PPP2R2D: variants seen among roughly 807,000 people sequenced by gnomAD.
PPP2R2D encodes protein phosphatase 2 regulatory subunit Bdelta, also known as serine/threonine-protein phosphatase 2A 55 kDa regulatory subunit B delta isoform.
PPP2R2D carries 9 observed loss-of-function variants against 31.1 expected under a neutral mutation model. The ratio of observed to expected loss-of-function variants is 0.29; its 90% confidence interval spans 0.17 to 0.51. The LOEUF (loss-of-function observed/expected upper bound fraction) is 0.51. PPP2R2D is among the 20% of genes least tolerant of loss of function. The pLI is 0.98. For synonymous variants in PPP2R2D, 179 were observed against 172.6 expected, an observed-to-expected ratio of 1.04 and a Z score of -0.29; for missense variants, 391 against 465.6, an observed-to-expected ratio of 0.84 and a Z score of 1.48.
At chr10:131,934,765 A>G in intron 3 of PPP2R2D, 1 of 585,974 alleles carries the variant, frequency 1.7e-6, no homozygotes, top group South Asian at 1.6e-5. Context: ...CTTTGTCTTC[A>G]GAGTAGGGAG....
intron 2 of PPP2R2D, among the ~76,000 whole-genome samples, chr10:131,904,534 T>G (rs1017182428): frequency 6.6e-6 from 1 of 151,940 alleles, no homozygotes; most frequent in Non-Finnish European, 1.5e-5. Flanking sequence ...AGATGGGCAG[T>G]TCACAGGGGT....
At chr10:131,971,274 C>A in the PPP2R2D span, 1 of 409,490 alleles carries the variant, frequency 2.4e-6, no homozygotes, top group South Asian at 2.3e-5. Flanking sequence ...GCGGCAAACA[C>A]TGTCCTAGGG....
chr10:131,915,636 A>G (rs1221332011), intron 2 of PPP2R2D, among the ~76,000 whole-genome samples: 2 of 152,176 alleles, frequency 1.3e-5, no homozygotes, highest in Non-Finnish European at 2.9e-5. Context: ...AAATAGATCC[A>G]TGGGTTGCCT....
At chr10:131,907,658 G>A (rs2035617203) in intron 2 of PPP2R2D, among the ~76,000 whole-genome samples, 1 of 151,814 alleles carries the variant, frequency 6.6e-6, no homozygotes, top group Admixed American at 6.6e-5. Context: ...CAGGAGAATG[G>A]CATGAACCCA....
chr10:131,965,382 C>G, the PPP2R2D span, among the ~76,000 whole-genome samples: 5 of 152,236 alleles, frequency 3.3e-5, no homozygotes, highest in African/African-American at 9.6e-5. Flanking sequence ...CCTCCTTATC[C>G]TGTTGGCCAG....
chr10:131,965,466 T>C, the PPP2R2D span, among the ~76,000 whole-genome samples: 1 of 152,194 alleles, frequency 6.6e-6, no homozygotes, highest in Non-Finnish European at 1.5e-5. Flanking sequence ...TTTTATTTTT[T>C]TGAGACAGAG....
At chr10:131,963,434 G>C (rs1409562698), downstream of PPP2R2D, among the ~76,000 whole-genome samples, 1 of 152,358 alleles carries the variant, frequency 6.6e-6, no homozygotes, top group South Asian at 2.1e-4. Flanking sequence ...TTTCTTGGGG[G>C]GTTACTTCCA....
At chr10:131,914,478 T>TA (rs1554892813) in intron 2 of PPP2R2D, among the ~76,000 whole-genome samples, 3 of 152,226 alleles carry the variant, frequency 2.0e-5, no homozygotes, top group Non-Finnish European at 2.9e-5. Context: ...CTCTCAAACT[T>TA]AACACAAGGG....
rs368796745 is a variant in PPP2R2D at position 131,934,606 on chromosome 10, T to A, written c.198+51T>A. 2.5e-4 allele frequency: 192 copies of A among 760,330 alleles called. No homozygotes were observed. The African/African-American group carries it at 3.0e-3, about 12-fold the overall frequency. The allele number at this position is 760,330 out of a possible 1,614,324, so 47.1% of individuals were successfully genotyped here. On this transcript the variant is annotated intron_variant, in intron 3 of 8. Transcript: ENST00000455566. ...AAATGCAATTATTCAACCTTTCGCA[T>A]ATAACTTAGAAGGGAGGAAGCAAAA...
Position 131,955,979 on chromosome 10 carries a change from G to C in PPP2R2D, c.*16G>C. The C allele has an allele frequency of 2.7e-6, 4 of 1,470,200 alleles. No homozygotes were observed. Among genetic ancestry groups the C allele is most frequent in the South Asian group, 1.5e-5 (1 of 65,590 alleles). The allele number at this position is 1,470,200 out of a possible 1,614,324, so 91.1% of individuals were successfully genotyped here. A position where few individuals can be genotyped will look rare whatever the true frequency, so the allele number is the denominator to read the frequency against. ...AATCAACTAGAGACGCGAACGTGAG[G>C]ACCAAGTCTTGTCTTGCATAGTTAA... On this transcript the variant is annotated 3_prime_UTR_variant, in exon 9 of 9. Coordinates refer to ENST00000455566, the MANE Select transcript of PPP2R2D (RefSeq NM_018461.5).
chr10:131,902,356 C>CG (rs1401081909), intron 2 of PPP2R2D, among the ~76,000 whole-genome samples: 3 of 152,122 alleles, frequency 2.0e-5, no homozygotes, highest in Non-Finnish European at 4.4e-5. Context: ...CCCTCCATCT[C>CG]GGCCCCCCCA....
At chr10:131,908,894 C>A (rs1329243316) in intron 2 of PPP2R2D, among the ~76,000 whole-genome samples, 1 of 152,220 alleles carries the variant, frequency 6.6e-6, no homozygotes, top group African/African-American at 2.4e-5. Flanking sequence ...CTGAAAAGTT[C>A]ACGACAGCAT....
At chr10:131,923,293 T>C (rs920072564) in intron 2 of PPP2R2D, among the ~76,000 whole-genome samples, 1 of 152,236 alleles carries the variant, frequency 6.6e-6, no homozygotes, top group Non-Finnish European at 1.5e-5. Context: ...TCAAGGCATA[T>C]CCTGCAGCAT....
intron 2 of PPP2R2D, among the ~76,000 whole-genome samples, chr10:131,907,479 G>A (rs959502557): frequency 1.6e-4 from 25 of 152,220 alleles, no homozygotes; most frequent in Non-Finnish European, 2.9e-4. Flanking sequence ...AGTGGTTCAC[G>A]CCTGTAATCC....
rs540864073 is a variant in PPP2R2D at position 131,923,034 on chromosome 10, C to T, written c.101-11424C>T. Among the ~76,000 whole-genome samples the T allele has an allele frequency of 2.1e-4, 32 of 152,264 alleles. 1 individual carries two copies. In the South Asian group the frequency reaches 6.4e-3, roughly 31 times the overall value. On this transcript the variant is annotated intron_variant, in intron 2 of 8. Transcript: ENST00000455566. Reference sequence around the variant, plus strand: ...GAGCTGTAATTCATTGAGCACAGAGCTCATCCTTTGTGAAGTGTGCGGGTG... The same window carrying T: ...GAGCTGTAATTCATTGAGCACAGAGTTCATCCTTTGTGAAGTGTGCGGGTG...
At chr10:131,913,587 A>G (rs1372596289) in intron 2 of PPP2R2D, among the ~76,000 whole-genome samples, 1 of 152,178 alleles carries the variant, frequency 6.6e-6, no homozygotes, top group Non-Finnish European at 1.5e-5. Flanking sequence ...CGATTGGTGA[A>G]TTGAACTGAA....
intron 8 of PPP2R2D, among the ~76,000 whole-genome samples, chr10:131,951,949 C>T (rs922361726): frequency 1.3e-5 from 2 of 152,240 alleles, no homozygotes; most frequent in Admixed American, 6.5e-5. Context: ...AGTGGCAACA[C>T]AGTGCAGGGG....
Position 131,955,951 on chromosome 10 carries a change from C to G in PPP2R2D, c.1350C>G (p.Asp450Glu), listed in dbSNP as rs781967676. ...AATNNLYIFQ[D>E]KIN The stretch of plus-strand genomic sequence containing the variant: ...CCAATAACTTGTACATATTCCAGGA[C>G]AAAATCAACTAGAGACGCGAACGTG... Residue 450 changes from aspartate (D) to glutamate (E), a missense_variant, in exon 9 of 9, where the codon GAC (aspartate) becomes GAG (glutamate). By Grantham distance (45) the Asp-to-Glu change is conservative. Coordinates refer to ENST00000455566, the MANE Select transcript of PPP2R2D (RefSeq NM_018461.5). 2 of 1,536,166 alleles carry G rather than the reference C, an allele frequency of 1.3e-6. No homozygotes were observed. The highest frequency in any genetic ancestry group is 3.7e-5 in the Admixed American group (2 of 53,990).
intron 2 of PPP2R2D, among the ~76,000 whole-genome samples, chr10:131,913,301 G>A (rs1434904595): frequency 1.3e-5 from 2 of 151,918 alleles, no homozygotes; most frequent in South Asian, 2.1e-4. Flanking sequence ...AAAGTGCTGG[G>A]ATTACAGTTG....
Sources: gnomAD v4.1 joint callset for allele counts (sites outside exome capture counted in the v4.1 genomes callset) on GRCh38, gnomAD v4.1.1 for gene constraint, MANE v1.5 for transcripts, NCBI Gene and HGNC (gene_info 2026-07-23, HGNC 2026-07-21) for gene names.